SLC17A7: variants seen among roughly 807,000 people sequenced by gnomAD.
SLC17A7 encodes the protein vesicular glutamate transporter 1.
SLC17A7 carries 15 observed loss-of-function variants against 59.1 expected under a neutral mutation model. The observed-to-expected ratio is 0.25, with a 90% CI of 0.17 to 0.39. The LOEUF is 0.39. Among genes scored for constraint, SLC17A7 ranks in the 10% least tolerant of loss-of-function variants. SLC17A7 has a pLI of 1.00. For synonymous variants in SLC17A7, 353 were observed against 308.9 expected (o/e 1.14, Z -1.50); for missense variants, 499 against 765.1 (o/e 0.65, Z 4.10).
chr19:49,436,814 A>C lies in SLC17A7; in HGVS notation c.63-13T>G. Reference sequence around the variant, plus strand: ...CTTCTCCAGAAGGCTGCGGGACAGCAAGAGCCAGAGACTCGGAAGTCCAGG... The same window carrying C: ...CTTCTCCAGAAGGCTGCGGGACAGCCAGAGCCAGAGACTCGGAAGTCCAGG... On this transcript the variant is annotated splice_polypyrimidine_tract_variant and intron_variant, in intron 1 of 11. Transcript: ENST00000221485. The surrounding 1 kb of genome is among the most constrained non-coding windows in gnomAD (Gnocchi z 4.1). 2.5e-6 allele frequency: 4 copies of C among 1,598,242 alleles called. No homozygotes were observed. The highest frequency in any genetic ancestry group is 3.4e-6 in the Non-Finnish European group (4 of 1,178,416).
intron 1 of SLC17A7, among the ~76,000 whole-genome samples, chr19:49,440,881 CAGAG>C (rs1157248881): frequency 1.3e-5 from 2 of 151,788 alleles, no homozygotes. Context: ...GCCAGAGAAC[CAGAG>C]AGAGGGGCAC....
chr19:49,432,755 C>G, intron 8 of SLC17A7, 56 bp downstream of exon 8: 1 of 1,595,946 alleles, frequency 6.3e-7, no homozygotes, highest in East Asian at 2.3e-5. Flanking sequence ...GGATCGCCGC[C>G]AGTTCCCTCC....
Position 49,431,602 on chromosome 19 carries a change from AC to A in SLC17A7, c.1151-155del, listed in dbSNP as rs2078960299. 2.0e-5 allele frequency among the ~76,000 whole-genome samples: 3 copies of A among 151,426 alleles called. No individual in the cohort carries two copies. In the South Asian group the frequency reaches 6.3e-4, roughly 32 times the overall value. ...ACGCCCAGGCCTCTTCGCGCCCTCC[AC>A]GCCACCCGCACCCACCCTAACCAGG... is the stretch of plus-strand genomic sequence containing the variant. On this transcript the variant is annotated intron_variant, in intron 9 of 11. Coordinates refer to ENST00000221485, the MANE Select transcript of SLC17A7 (RefSeq NM_020309.4). The surrounding 1 kb of genome is among the most constrained non-coding windows in gnomAD (Gnocchi z 4.6).
Position 49,429,694 on chromosome 19 carries a change from A to C in SLC17A7, c.*825T>G, listed in dbSNP as rs1356355869. 1 of 396,990 alleles carries C rather than the reference A, an allele frequency of 2.5e-6. No homozygotes were observed. The highest frequency in any genetic ancestry group is 4.4e-6 in the Non-Finnish European group (1 of 225,284). 24.6% of individuals were successfully genotyped at this position (396,990 alleles called of 1,614,324 possible). A position where few individuals can be genotyped will look rare whatever the true frequency, so the allele number is the denominator to read the frequency against. ...CCACCCAGGAGAATAAAGTGCGAGGAATTGGGGAGGGGGCATCATGAAACC... is the reference window on the plus strand; with the variant it reads ...CCACCCAGGAGAATAAAGTGCGAGGCATTGGGGAGGGGGCATCATGAAACC... On this transcript the variant is annotated 3_prime_UTR_variant, in exon 12 of 12. Coordinates refer to ENST00000221485, the MANE Select transcript of SLC17A7 (RefSeq NM_020309.4).
chr19:49,430,612 G>C lies in SLC17A7; in HGVS notation c.1590C>G (p.Pro530=), dbSNP rs372207924. The change falls in exon 12 of 12, where the codon CCC becomes CCG. Residue 530 remains proline, a synonymous_variant. Coordinates refer to ENST00000221485, the MANE Select transcript of SLC17A7 (RefSeq NM_020309.4). ...GCGGGGGTGCAGGGGGTGCCCCCGGGGGCTCAGCCTCATCCTCCATTTCGC... is the reference window on the plus strand; with the variant it reads ...GCGGGGGTGCAGGGGGTGCCCCCGGCGGCTCAGCCTCATCCTCCATTTCGC... The part of the protein sequence containing the change: ...DDSEMEDEAE[P]PGAPPAPPPS... 1 of 1,613,858 alleles carries C rather than the reference G, an allele frequency of 6.2e-7. No individual in the cohort carries two copies. Among genetic ancestry groups the C allele is most frequent in the Non-Finnish European group, 8.5e-7 (1 of 1,179,912 alleles).
At chr19:49,439,130 G>T (rs558705288) in intron 1 of SLC17A7, among the ~76,000 whole-genome samples, 2 of 152,106 alleles carry the variant, frequency 1.3e-5, no homozygotes, top group East Asian at 3.9e-4. Context: ...ACAACACTTA[G>T]GAGGCCATTA....
At chr19:49,440,452 T>C (rs1415511040) in intron 1 of SLC17A7, among the ~76,000 whole-genome samples, 1 of 152,132 alleles carries the variant, frequency 6.6e-6, no homozygotes, top group Admixed American at 6.5e-5. Flanking sequence ...GTCCAGATTA[T>C]CCTGAGGGAC....
Position 49,432,413 on chromosome 19 carries a change from G to A in SLC17A7, c.1150+106C>T, listed in dbSNP as rs1437490640. On this transcript the variant is annotated intron_variant, in intron 9 of 11. Coordinates refer to ENST00000221485, the MANE Select transcript of SLC17A7 (RefSeq NM_020309.4). ...CCCTTTGCATAGAAAGGGACTCCTG[G>A]GGCAGGCTGGATGGTTTCCGCCTGT... 24 of 1,430,240 alleles carry A rather than the reference G, an allele frequency of 1.7e-5. No individual in the cohort carries two copies. In the Middle Eastern group the frequency reaches 7.7e-4, roughly 46 times the overall value. The allele number at this position is 1,430,240 out of a possible 1,614,324, so 88.6% of individuals were successfully genotyped here. A position where few individuals can be genotyped will look rare whatever the true frequency, so the allele number is the denominator to read the frequency against.
intron 1 of SLC17A7, among the ~76,000 whole-genome samples, chr19:49,438,614 A>G (rs2078988702): frequency 6.6e-6 from 1 of 152,052 alleles, no homozygotes; most frequent in Admixed American, 6.6e-5. Context: ...GGGAGTGGAC[A>G]GAACCCAGAA....
chr19:49,433,695 C>G lies in SLC17A7; in HGVS notation c.867+31G>C. ...CAGGTTCGTGGCTTGCTATCTCTCCCCGCCCCTTCCCCGAAGATTTGGTCC... is the reference window on the plus strand; with the variant it reads ...CAGGTTCGTGGCTTGCTATCTCTCCGCGCCCCTTCCCCGAAGATTTGGTCC... On this transcript the variant is annotated intron_variant, in intron 7 of 11. Coordinates refer to ENST00000221485, the MANE Select transcript of SLC17A7 (RefSeq NM_020309.4). The surrounding 1 kb of genome is among the most constrained non-coding windows in gnomAD (Gnocchi z 5.7). The G allele has an allele frequency of 6.2e-7, 1 of 1,614,088 alleles. No individual in the cohort carries two copies. Among genetic ancestry groups the G allele is most frequent in the Non-Finnish European group, 8.5e-7 (1 of 1,179,980 alleles).
rs566888730 is a variant in SLC17A7, at chr19:49,431,546, C to T, written c.1151-98G>A. On this transcript the variant is annotated intron_variant, in intron 9 of 11. Transcript: ENST00000221485. The surrounding 1 kb of genome is among the most constrained non-coding windows in gnomAD (Gnocchi z 4.6). ...TTCCAGACCTGCTCCAGCCCCAAAC[C>T]GCGTCTATCCACCCCAGTCTGGCCA... is the stretch of plus-strand genomic sequence containing the variant. 5 of 982,156 alleles carry T rather than the reference C, an allele frequency of 5.1e-6. No individual in the cohort carries two copies. The highest frequency in any genetic ancestry group is 5.2e-5 in the East Asian group (2 of 38,562). 60.8% of individuals were successfully genotyped at this position (982,156 alleles called of 1,614,324 possible). A position where few individuals can be genotyped will look rare whatever the true frequency, so the allele number is the denominator to read the frequency against.
Position 49,433,902 on chromosome 19 carries a change from G to A in SLC17A7, c.725-34C>T, listed in dbSNP as rs773478101. 15 of 1,612,798 alleles carry A rather than the reference G, an allele frequency of 9.3e-6. No individual in the cohort carries two copies. Among genetic ancestry groups the A allele is most frequent in the Non-Finnish European group, 1.2e-5 (14 of 1,179,320 alleles). Reference sequence around the variant, plus strand: ...GTCAGGAGGGGGATGGGAGCGAGGTGAGGACCGGCCCCGCTCCGCCCCAGC... The same window carrying A: ...GTCAGGAGGGGGATGGGAGCGAGGTAAGGACCGGCCCCGCTCCGCCCCAGC... On this transcript the variant is annotated intron_variant, in intron 6 of 11. Coordinates refer to ENST00000221485, the MANE Select transcript of SLC17A7 (RefSeq NM_020309.4). The surrounding 1 kb of genome is among the most constrained non-coding windows in gnomAD (Gnocchi z 5.7).
Position 49,431,088 on chromosome 19 carries a change from C to T in SLC17A7, c.1316G>A (p.Gly439Asp). Reference protein sequence around the residue: ...IAPRYASILMGISNGVGTLSG... With the variant: ...IAPRYASILMDISNGVGTLSG... ...CAGTGTGCCCACGCCGTTGGAGATG[C>T]CCATGAGGATGCTGGCGTAGCGCGG... The change falls in exon 11 of 12, where the codon GGC (glycine) becomes GAC (aspartate). Residue 439 changes from glycine (G) to aspartate (D), a missense_variant. Around this residue, in one of 3 missense-constraint regions of SLC17A7, gnomAD observed 323 missense variants for 607.2 expected, o/e 0.53. Transcript: ENST00000221485. This position sits in a 1 kb window ranked among gnomAD's most constrained non-coding sequence, Gnocchi z 4.6. 1 of 1,613,948 alleles carries T rather than the reference C, an allele frequency of 6.2e-7. No homozygotes were observed. Among genetic ancestry groups the T allele is most frequent in the Non-Finnish European group, 8.5e-7 (1 of 1,179,998 alleles).
In SLC17A7 at chr19:49,430,482, AG is replaced by A; in HGVS notation, c.*36del. 1 of 1,474,306 alleles carries A rather than the reference AG, an allele frequency of 6.8e-7. No individual in the cohort carries two copies. The highest frequency in any genetic ancestry group is 2.3e-5 in the East Asian group (1 of 43,800). The allele number at this position is 1,474,306 out of a possible 1,614,324, so 91.3% of individuals were successfully genotyped here. The stretch of plus-strand genomic sequence containing the variant: ...CTCAGGCCAGAGATGAGTGGAATGG[AG>A]GTCCTGGAAACTGCCATTCAGTGGG... On this transcript the variant is annotated 3_prime_UTR_variant, in exon 12 of 12. Transcript: ENST00000221485.
intron 1 of SLC17A7, among the ~76,000 whole-genome samples, chr19:49,440,642 C>CG (rs1391866939): frequency 2.0e-5 from 3 of 152,210 alleles, no homozygotes; most frequent in Non-Finnish European, 4.4e-5. Flanking sequence ...TCAAGGACAA[C>CG]GGGCTATGAG....
intron 1 of SLC17A7, among the ~76,000 whole-genome samples, chr19:49,440,427 A>G (rs112381424): frequency 0.026 from 3,956 of 152,160 alleles, 210 homozygotes; most frequent in African/African-American, 0.091. Context: ...TGGGGGTGAG[A>G]GCCTGTGGGG....
In SLC17A7 at chr19:49,436,962, C is replaced by CT. The variant is rs767932497; in HGVS notation, c.63-162dup. 640 of 1,076,526 alleles carry CT rather than the reference C, an allele frequency of 5.9e-4. 6 individuals are homozygous for CT. Among genetic ancestry groups the CT allele is most frequent in the Middle Eastern group, 3.4e-3 (11 of 3,204 alleles). 66.7% of individuals were successfully genotyped at this position (1,076,526 alleles called of 1,614,324 possible). A position where few individuals can be genotyped will look rare whatever the true frequency, so the allele number is the denominator to read the frequency against. ...CAGGTCCCTGGCTCCCTTCGCCCCC[C>CT]TGATCCAGAAATCCTCCATCTCCCT... On this transcript the variant is annotated intron_variant, in intron 1 of 11. Transcript: ENST00000221485. This position sits in a 1 kb window ranked among gnomAD's most constrained non-coding sequence, Gnocchi z 4.1.
intron 11 of SLC17A7, 59 bp downstream of exon 11, chr19:49,430,956 G>C (rs1028437794): frequency 6.4e-7 from 1 of 1,565,596 alleles, no homozygotes; most frequent in African/African-American, 1.3e-5. Flanking sequence ...CCACCACGTG[G>C]TCAGTTAGGT....
At chr19:49,440,866 C>T (rs141608872) in intron 1 of SLC17A7, among the ~76,000 whole-genome samples, 1 of 151,752 alleles carries the variant, frequency 6.6e-6, no homozygotes, top group African/African-American at 2.4e-5. Flanking sequence ...CCAGTGAGAG[C>T]AATGGCCAGA....
Sources: gnomAD v4.1 joint callset for allele counts (sites outside exome capture counted in the v4.1 genomes callset) on GRCh38, gnomAD v4.1.1 for gene constraint, gnomAD v4.1.1 regional missense constraint, Gnocchi (gnomAD v3.1) non-coding constraint, MANE v1.5 for transcripts, NCBI Gene and HGNC (gene_info 2026-07-23, HGNC 2026-07-21) for gene names.